FAT3: variants seen among roughly 807,000 people sequenced by gnomAD.
FAT3 encodes FAT atypical cadherin 3, also known as protocadherin Fat 3.
In FAT3, 95 loss-of-function variants were observed where a neutral mutation model predicts 310.2. The observed-to-expected ratio is 0.31, with a 90% CI of 0.26 to 0.36. The LOEUF is 0.36. Ranked by LOEUF, FAT3 falls within the 10% of genes least tolerant of loss-of-function variation. FAT3 has a pLI of 1.00. For missense variants in FAT3, 5,408 were observed against 5,715.6 expected (o/e 0.95, Z 1.74); for synonymous variants, 2,314 against 2,192.9 (o/e 1.06, Z -1.54).
At chr11:92,643,230 T>C (rs1255978532) in intron 3 of FAT3, among the ~76,000 whole-genome samples, 3 of 152,166 alleles carry the variant, frequency 2.0e-5, no homozygotes, top group Admixed American at 1.3e-4. Context: ...CTTGCCCTAA[T>C]TCAAATTTCC....
At position 92,893,708 on chromosome 11, in the gene FAT3, A is replaced by G. The variant is rs1949964799; in HGVS notation, c.*2595A>G. The G allele has an allele frequency of 6.6e-6, 1 of 152,244 alleles. No individual in the cohort carries two copies. 9.4% of individuals were successfully genotyped at this position (152,244 alleles called of 1,614,324 possible). On this transcript the variant is annotated 3_prime_UTR_variant, in exon 28 of 28. Transcript: ENST00000525166. ...CTGATTTTCTGCAGAATAGCTCTGCAGCTAAATATATACCAGGCAAGCATG... is the reference window on the plus strand; with the variant it reads ...CTGATTTTCTGCAGAATAGCTCTGCGGCTAAATATATACCAGGCAAGCATG...
intron 5 of FAT3, among the ~76,000 whole-genome samples, chr11:92,764,485 A>G (rs1946252496): frequency 6.6e-6 from 1 of 152,198 alleles, no homozygotes; most frequent in Admixed American, 6.6e-5. Flanking sequence ...AGGTTTCACA[A>G]TGCACTTTCT....
At chr11:92,452,931 A>G (rs1951399078) in intron 2 of FAT3, among the ~76,000 whole-genome samples, 1 of 151,790 alleles carries the variant, frequency 6.6e-6, no homozygotes, top group African/African-American at 2.4e-5. Context: ...GTGCTGCCAT[A>G]CCCAGCTAAT....
intron 2 of FAT3, among the ~76,000 whole-genome samples, chr11:92,450,486 A>G (rs1951326704): frequency 1.3e-5 from 2 of 152,146 alleles, no homozygotes; most frequent in South Asian, 4.1e-4. Flanking sequence ...GAGGGATTGA[A>G]GGAGACATAA....
At position 92,467,093 on chromosome 11, in the gene FAT3, C is replaced by G. The variant is rs574677367; in HGVS notation, c.3293-57541C>G. On this transcript the variant is annotated intron_variant, in intron 2 of 27. Transcript: ENST00000525166. ...TGATTTATAGTCTTTTGGGTATATA[C>G]CCAGTAATGGGATGGCTGGGTCAAA... Among the ~76,000 whole-genome samples, 1,267 of 152,172 alleles carry G rather than the reference C, an allele frequency of 8.3e-3. 12 individuals carry two copies. Among genetic ancestry groups the G allele is most frequent in the Non-Finnish European group, 0.014 (929 of 68,010 alleles).
At chr11:92,815,069 G>T (rs1383413426) in intron 13 of FAT3, among the ~76,000 whole-genome samples, 2 of 152,142 alleles carry the variant, frequency 1.3e-5, no homozygotes, top group Non-Finnish European at 1.5e-5. Context: ...GTGGTTGTTT[G>T]TGAAGGCCAC....
chr11:92,315,512 T>TATATATATATATAGAGAGAG (rs1353970811), intron 1 of FAT3, among the ~76,000 whole-genome samples: 1 of 56,172 alleles, frequency 1.8e-5, no homozygotes. Context: ...TATATATATA[T>TATATATATATATAGAGAGAG]AGAGAGAGAG....
intron 4 of FAT3, chr11:92,749,099 C>G (rs1945755091): frequency 6.6e-6 from 1 of 152,126 alleles, no homozygotes; most frequent in Admixed American, 6.5e-5. Flanking sequence ...TTTCTTTCAA[C>G]CTTTTTACTA....
At chr11:92,426,327 G>T (rs188724213) in intron 2 of FAT3, among the ~76,000 whole-genome samples, 2 of 152,050 alleles carry the variant, frequency 1.3e-5, no homozygotes, top group Non-Finnish European at 2.9e-5. Context: ...CAATTATGTA[G>T]GTTGCCTGTT....
chr11:92,615,842 C>G (rs1001279186), intron 3 of FAT3, among the ~76,000 whole-genome samples: 1 of 152,152 alleles, frequency 6.6e-6, no homozygotes, highest in Non-Finnish European at 1.5e-5. Flanking sequence ...GTCTGAGAGA[C>G]AGTTTGTTAT....
At position 92,798,105 on chromosome 11, in the gene FAT3, C is replaced by A. The variant is rs1486621447; in HGVS notation, c.5092C>A (p.Gln1698Lys). 6.2e-7 allele frequency: 1 copy of A among 1,613,898 alleles called. No individual in the cohort carries two copies. The highest frequency in any genetic ancestry group is 1.7e-5 in the Admixed American group (1 of 60,016). ...TSVILISAIS[Q>K]STLIYEVKDG... The stretch of plus-strand genomic sequence containing the variant: ...AGTCATTCTAATCTCTGCCATCAGT[C>A]AATCTACCCTCATTTATGAAGTCAA... Residue 1698 changes from glutamine to lysine, a missense_variant, in exon 10 of 28, where the codon CAA (glutamine) becomes AAA (lysine). Physicochemically the swap from Gln to Lys is moderately conservative, Grantham distance 53 (BLOSUM62 1). Transcript: ENST00000525166.
At chr11:92,361,219 G>C (rs1832727687) in intron 2 of FAT3, among the ~76,000 whole-genome samples, 1 of 152,038 alleles carries the variant, frequency 6.6e-6, no homozygotes, top group Non-Finnish European at 1.5e-5. Context: ...AGCTCAAGAG[G>C]GCTGGTGCAA....
chr11:92,264,083 C>T (rs922139395), intron 1 of FAT3, among the ~76,000 whole-genome samples: 6 of 152,108 alleles, frequency 3.9e-5, no homozygotes, highest in South Asian at 4.1e-4. Flanking sequence ...CCAACCCCAT[C>T]GTCTCACATC....
chr11:92,296,157 G>A (rs948257131), intron 1 of FAT3, among the ~76,000 whole-genome samples: 6 of 152,068 alleles, frequency 3.9e-5, no homozygotes, highest in South Asian at 2.1e-4. Flanking sequence ...TGCTTCCCCC[G>A]AGGGTTAAAA....
rs745963395 is a variant in FAT3, at chr11:92,840,764, G to A, written c.10566+5G>A. The stretch of plus-strand genomic sequence containing the variant: ...GAATACGTGTTGTGTGTCCAGGTAT[G>A]GCATCGCACTCTGTCTCCGTCGTGC... On this transcript the variant is annotated splice_donor_5th_base_variant and intron_variant, in intron 18 of 27. Coordinates refer to ENST00000525166, the MANE Select transcript of FAT3 (RefSeq NM_001367949.2). 6.4e-6 allele frequency: 10 copies of A among 1,555,758 alleles called. No individual in the cohort carries two copies. The South Asian group carries it at 8.3e-5, about 13-fold the overall frequency.
chr11:92,432,933 C>T (rs1950827334), intron 2 of FAT3, among the ~76,000 whole-genome samples: 1 of 152,168 alleles, frequency 6.6e-6, no homozygotes, highest in Admixed American at 6.5e-5. Context: ...ATGCCCTGCC[C>T]AGAGAGGAGG....
At chr11:92,622,670 AT>A (rs1225864873) in intron 3 of FAT3, among the ~76,000 whole-genome samples, 1 of 152,196 alleles carries the variant, frequency 6.6e-6, no homozygotes, top group East Asian at 1.9e-4. Flanking sequence ...TTTTCATGAC[AT>A]TTTAGGAAGA....
chr11:92,643,531 T>C (rs772297785), intron 3 of FAT3, among the ~76,000 whole-genome samples: 5 of 152,212 alleles, frequency 3.3e-5, no homozygotes, highest in African/African-American at 7.2e-5. Context: ...ATCTGTGAAA[T>C]TGGGATAAGA....
At chr11:92,859,064 T>G in intron 20 of FAT3, 101 bp from the exon 21 acceptor site, 1 of 1,146,542 alleles carries the variant, frequency 8.7e-7, no homozygotes, top group Non-Finnish European at 1.2e-6. Context: ...TCATGCATGG[T>G]CTTTAATCAA....
Sources: allele counts gnomAD v4.1 joint callset (sites outside exome capture counted in the v4.1 genomes callset), GRCh38; gene constraint gnomAD v4.1.1; transcripts MANE v1.5; gene names NCBI Gene and HGNC (gene_info 2026-07-23, HGNC 2026-07-21).